Variants in SFXN3 observed in about 807,000 individuals in gnomAD.
SFXN3 encodes the protein sideroflexin-3.
Under a neutral mutation model 40.4 loss-of-function variants are expected in SFXN3, and 31 were observed. The observed-to-expected ratio is 0.77, with a 90% CI of 0.58 to 1.04. The LOEUF (loss-of-function observed/expected upper bound fraction) is 1.04. Ranked by LOEUF, SFXN3 falls within the 50% of genes least tolerant of loss-of-function variation. SFXN3 has a pLI of 0.00. For synonymous variants in SFXN3, 157 were observed against 160.0 expected, an observed-to-expected ratio of 0.98 and a Z score of 0.14; for missense variants, 366 against 408.2, an observed-to-expected ratio of 0.90 and a Z score of 0.89.
At chr10:101,035,369 T>A in intron 3 of SFXN3, 128 bp from the exon 4 acceptor site, 1 of 1,131,268 alleles carries the variant, frequency 8.8e-7, no homozygotes, top group South Asian at 1.9e-5. Context: ...AGGAGCTTCC[T>A]TATGCTGAGA....
chr10:101,038,976 G>C (rs1442186586), intron 10 of SFXN3, among the ~76,000 whole-genome samples, 199 bp from the exon 11 acceptor site: 1 of 152,106 alleles, frequency 6.6e-6, no homozygotes, highest in African/African-American at 2.4e-5. Context: ...TTTAATTCCT[G>C]ATTCTGCCAC....
rs1418182235 is a variant in SFXN3 at position 101,036,621 on chromosome 10, C to A, written c.507+60C>A. 4 of 1,612,842 alleles carry A rather than the reference C, an allele frequency of 2.5e-6. No individual in the cohort carries two copies. In the East Asian group the frequency reaches 8.9e-5, roughly 36 times the overall value. ...ATCCTCTATCTGCCTCCTTCTTCCT[C>A]ATCACACCTCCAGTTCTGACCTATA... On this transcript the variant is annotated intron_variant, in intron 6 of 11. Transcript: ENST00000393459. This position sits in a 1 kb window ranked among gnomAD's most constrained non-coding sequence, Gnocchi z 4.2.
At chr10:101,031,400 G>C (rs1241123269) in exon 1 of SFXN3, 1 of 152,384 alleles carries the variant, frequency 6.6e-6, no homozygotes, top group Non-Finnish European at 1.5e-5. Flanking sequence ...TCTTCTCTGA[G>C]CCGAGCCAGC....
Position 101,035,668 on chromosome 10 carries a change from G to A in SFXN3, c.332+1G>A, listed in dbSNP as rs1431488998. On this transcript the variant is annotated splice_donor_variant, in intron 4 of 11. Transcript: ENST00000393459. LOFTEE classifies it high-confidence loss of function. ...CTGGCTGCATGCTCACATTCTACAG[G>A]CAGGTCTTGTCCCACGTCCCCTTCT... is the stretch of plus-strand genomic sequence containing the variant. 1 of 1,607,742 alleles carries A rather than the reference G, an allele frequency of 6.2e-7. No individual in the cohort carries two copies. Among genetic ancestry groups the A allele is most frequent in the South Asian group, 1.1e-5 (1 of 89,920 alleles).
intron 2 of SFXN3, among the ~76,000 whole-genome samples, chr10:101,033,330 G>A (rs1045724591): frequency 1.3e-5 from 2 of 152,170 alleles, no homozygotes; most frequent in African/African-American, 2.4e-5. Context: ...AGCACACGTG[G>A]CTGGGATGTT....
At chr10:101,032,368 T>C (rs1938299129) in exon 2 of SFXN3, 1 of 1,350,128 alleles carries the variant, frequency 7.4e-7, no homozygotes, top group Non-Finnish European at 9.8e-7. Flanking sequence ...CTCCTGCCCC[T>C]CCCTGCTGGT....
rs923190892 is a variant in SFXN3, at chr10:101,039,624, C to T, written c.*39C>T. 1.9e-6 allele frequency: 3 copies of T among 1,587,004 alleles called. No homozygotes were observed. Among genetic ancestry groups the T allele is most frequent in the African/African-American group, 1.3e-5 (1 of 74,502 alleles). ...CTGTCCCCTCCCTCACTTCCTTGGG[C>T]TGCTGCTTTAGTGGAGTCATGTCAC... is the stretch of plus-strand genomic sequence containing the variant. On this transcript the variant is annotated 3_prime_UTR_variant, in exon 12 of 12. Coordinates refer to ENST00000393459, the Ensembl canonical transcript of SFXN3. The surrounding 1 kb of genome is among the most constrained non-coding windows in gnomAD (Gnocchi z 4.6).
rs535169597 is a variant in SFXN3, at chr10:101,036,184, G to A, written c.431+83G>A. 1.1e-3 allele frequency: 1,327 copies of A among 1,186,364 alleles called. 3 individuals are homozygous for A. Among genetic ancestry groups the A allele is most frequent in the Non-Finnish European group, 1.3e-3 (1,082 of 803,510 alleles). 73.5% of individuals were successfully genotyped at this position (1,186,364 alleles called of 1,614,324 possible). ...CTGCAGTGCCCTCTCCTTTCTCTCC[G>A]GTTCCCTGTGGACCATGCAGCCAGT... On this transcript the variant is annotated intron_variant, in intron 5 of 11. Transcript: ENST00000393459. The surrounding 1 kb of genome is among the most constrained non-coding windows in gnomAD (Gnocchi z 4.2).
exon 2 of SFXN3, chr10:101,032,461 G>T (rs186060980): frequency 1.3e-6 from 2 of 1,547,318 alleles, no homozygotes; most frequent in East Asian, 5.1e-5. Context: ...GGTTCTGAGA[G>T]CTTCAGAGAG....
rs1938599452 is a variant in SFXN3, at chr10:101,036,301, C to A, written c.432-185C>A. 1.3e-5 allele frequency among the ~76,000 whole-genome samples: 2 copies of A among 152,236 alleles called. No individual in the cohort carries two copies. Among genetic ancestry groups the A allele is most frequent in the Admixed American group, 1.3e-4 (2 of 15,286 alleles). On this transcript the variant is annotated intron_variant, in intron 5 of 11. Transcript: ENST00000393459. The surrounding 1 kb of genome is among the most constrained non-coding windows in gnomAD (Gnocchi z 4.2). ...TCTTATGTATGCTGTGGGGGACCCACCCCTCTTCACAGGGTGCTACTGGGG... is the reference window on the plus strand; with the variant it reads ...TCTTATGTATGCTGTGGGGGACCCAACCCTCTTCACAGGGTGCTACTGGGG...
At chr10:101,032,579 T>C (rs1938331335) in intron 2 of SFXN3, 97 bp downstream of exon 2, 2 of 1,365,924 alleles carry the variant, frequency 1.5e-6, no homozygotes, top group South Asian at 1.5e-5. Flanking sequence ...GTCAATGTCC[T>C]CGGCTCTGTG....
intron 2 of SFXN3, among the ~76,000 whole-genome samples, chr10:101,033,137 A>G (rs113416912): frequency 1.5e-4 from 23 of 152,284 alleles, no homozygotes; most frequent in African/African-American, 5.1e-4. Flanking sequence ...TCTGGAACAG[A>G]TAAGCCCTGG....
rs765868644 is a variant in SFXN3 at position 101,035,684 on chromosome 10, G to A, written c.332+17G>A. ...ATTCTACAGGCAGGTCTTGTCCCAC[G>A]TCCCCTTCTTCAGTGCCCTAAGCTA... On this transcript the variant is annotated intron_variant, in intron 4 of 11. Coordinates refer to ENST00000393459, the Ensembl canonical transcript of SFXN3. The A allele has an allele frequency of 4.9e-5, 78 of 1,597,552 alleles. 1 individual carries two copies. The East Asian group carries it at 6.9e-4, about 14-fold the overall frequency.
At chr10:101,038,744 G>T in intron 10 of SFXN3, 52 bp downstream of exon 10, 1 of 1,602,496 alleles carries the variant, frequency 6.2e-7, no homozygotes, top group Non-Finnish European at 8.5e-7. Flanking sequence ...TGTCCATGGT[G>T]GATGTGGGTG....
rs1189380694 is a variant in SFXN3 at position 101,037,233 on chromosome 10, G to A, written c.721+30G>A. On this transcript the variant is annotated intron_variant, in intron 8 of 11. Coordinates refer to ENST00000393459, the Ensembl canonical transcript of SFXN3. Reference sequence around the variant, plus strand: ...GGCGGGAGTGGCTGGGTGGGGCATAGGAGACTCTGAGAGAAGCAGGTGCAG... The same window carrying A: ...GGCGGGAGTGGCTGGGTGGGGCATAAGAGACTCTGAGAGAAGCAGGTGCAG... 5 of 1,613,290 alleles carry A rather than the reference G, an allele frequency of 3.1e-6. No homozygotes were observed. In the Admixed American group the frequency reaches 6.7e-5, roughly 22 times the overall value.
At chr10:101,035,398 G>A in intron 3 of SFXN3, 99 bp from the exon 4 acceptor site, 1 of 1,385,030 alleles carries the variant, frequency 7.2e-7, no homozygotes, top group Non-Finnish European at 9.6e-7. Flanking sequence ...TGAAGTTCCT[G>A]GTTCTCTGTC....
chr10:101,032,481 G>C, exon 2 of SFXN3: 1 of 1,548,454 alleles, frequency 6.5e-7, no homozygotes, highest in East Asian at 2.5e-5. Context: ...GCGATGGAAA[G>C]CGTAAGTGCT....
In SFXN3 at chr10:101,039,042, A is replaced by G. The variant is rs1156790360; in HGVS notation, c.822-133A>G. 1.3e-6 allele frequency: 1 copy of G among 776,996 alleles called. No homozygotes were observed. The highest frequency in any genetic ancestry group is 2.1e-6 in the Non-Finnish European group (1 of 468,760). The allele number at this position is 776,996 out of a possible 1,614,324, so 48.1% of individuals were successfully genotyped here. A position where few individuals can be genotyped will look rare whatever the true frequency, so the allele number is the denominator to read the frequency against. The stretch of plus-strand genomic sequence containing the variant: ...ACCTGATGTCCAGGTTGGGTTTACT[A>G]TTCCTAAAAGGTCCTTTCAGCTTTT... On this transcript the variant is annotated intron_variant, in intron 10 of 11. Coordinates refer to ENST00000393459, the Ensembl canonical transcript of SFXN3. This position sits in a 1 kb window ranked among gnomAD's most constrained non-coding sequence, Gnocchi z 4.6.
chr10:101,038,725 G>A (rs1292322109), intron 10 of SFXN3, 33 bp downstream of exon 10: 1 of 1,605,414 alleles, frequency 6.2e-7, no homozygotes, highest in Non-Finnish European at 8.5e-7. Context: ...GGGGTGTGTG[G>A]GAGTGCCTTG....
Sources: gnomAD v4.1 joint callset for allele counts (sites outside exome capture counted in the v4.1 genomes callset) on GRCh38, gnomAD v4.1.1 for gene constraint, Gnocchi (gnomAD v3.1) non-coding constraint, MANE v1.5 for transcripts, NCBI Gene and HGNC (gene_info 2026-07-23, HGNC 2026-07-21) for gene names.